The following CDH12 variants were observed in gnomAD, a reference collection of about 807,000 sequenced individuals.
CDH12 encodes cadherin-12.
In CDH12, 41 loss-of-function variants were observed where a neutral mutation model predicts 74.1. The ratio of observed to expected loss-of-function variants is 0.55; its 90% CI spans 0.43 to 0.72. The LOEUF (loss-of-function observed/expected upper bound fraction) is 0.72, where lower values mean the gene tolerates loss of function less well. Ranked by LOEUF, CDH12 falls within the 30% of genes least tolerant of loss-of-function variation. The pLI is 0.00. For missense variants in CDH12, 945 were observed against 977.2 expected (o/e 0.97, Z 0.44); for synonymous variants, 399 against 355.0 (o/e 1.12, Z -1.39).
At chr5:22,548,085 A>G (rs1307072733) in intron 1 of CDH12, among the ~76,000 whole-genome samples, 5 of 152,208 alleles carry the variant, frequency 3.3e-5, no homozygotes, top group African/African-American at 1.2e-4. Flanking sequence ...TTCTGCATCT[A>G]TAACACACTA....
At chr5:22,297,723 G>C (rs895700161) in intron 3 of CDH12, among the ~76,000 whole-genome samples, 1 of 152,006 alleles carries the variant, frequency 6.6e-6, no homozygotes, top group African/African-American at 2.4e-5. Flanking sequence ...CTGAAGAAGG[G>C]GAAAGATTTT....
chr5:21,765,257 A>G (rs1744957493), intron 11 of CDH12, among the ~76,000 whole-genome samples, 158 bp from the exon 12 acceptor site: 1 of 152,180 alleles, frequency 6.6e-6, no homozygotes, highest in Admixed American at 6.5e-5. Context: ...ACAAGATGAT[A>G]AAGGATCCTT....
chr5:22,489,893 C>G (rs996974901), intron 2 of CDH12, among the ~76,000 whole-genome samples: 1 of 151,818 alleles, frequency 6.6e-6, no homozygotes, highest in Admixed American at 6.6e-5. Flanking sequence ...GTTGCCCAGG[C>G]TGGTCTTGAA....
chr5:22,744,986 A>G (rs990839013), intron 1 of CDH12, among the ~76,000 whole-genome samples: 1 of 151,640 alleles, frequency 6.6e-6, no homozygotes, highest in Non-Finnish European at 1.5e-5. Flanking sequence ...CATATAATTA[A>G]CACTCAATAA....
At chr5:21,852,316 T>A (rs1031195714) in intron 7 of CDH12, among the ~76,000 whole-genome samples, 1 of 151,308 alleles carries the variant, frequency 6.6e-6, no homozygotes, top group Admixed American at 6.6e-5. Context: ...ACGACAGAAT[T>A]GTTTCACTCT....
intron 3 of CDH12, among the ~76,000 whole-genome samples, chr5:22,314,032 A>G (rs1738503281): frequency 6.6e-6 from 1 of 152,220 alleles, no homozygotes; most frequent in African/African-American, 2.4e-5. Flanking sequence ...TGACGGCAGA[A>G]AGTGGAAAGT....
At chr5:21,817,978 G>T (rs1305789146) in intron 8 of CDH12, among the ~76,000 whole-genome samples, 1 of 151,808 alleles carries the variant, frequency 6.6e-6, no homozygotes, top group Non-Finnish European at 1.5e-5. Context: ...TTATTTTAAG[G>T]TTTTGTAGAA....
At chr5:22,058,863 T>C (rs182919607) in intron 5 of CDH12, among the ~76,000 whole-genome samples, 147 of 152,228 alleles carry the variant, frequency 9.7e-4, no homozygotes, top group Admixed American at 1.8e-3. Context: ...ATCTTTGATC[T>C]CACTTTTATT....
At chr5:21,757,786 T>A (rs767830308) in intron 13 of CDH12, among the ~76,000 whole-genome samples, 1 of 152,200 alleles carries the variant, frequency 6.6e-6, no homozygotes, top group Non-Finnish European at 1.5e-5. Context: ...GATGTGACTA[T>A]CTACCTAGTT....
chr5:22,421,809 G>A (rs1333949717), intron 2 of CDH12, among the ~76,000 whole-genome samples: 3 of 152,184 alleles, frequency 2.0e-5, no homozygotes, highest in Non-Finnish European at 2.9e-5. Context: ...CACCGACAGT[G>A]TAAAAGCATT....
chr5:22,026,606 GCTT>G (rs1738377305), intron 5 of CDH12, among the ~76,000 whole-genome samples: 1 of 152,048 alleles, frequency 6.6e-6, no homozygotes, highest in Non-Finnish European at 1.5e-5. Context: ...CTTTCATTAT[GCTT>G]CTAATGAGTT....
intron 11 of CDH12, 49 bp downstream of exon 11, chr5:21,783,309 A>G: frequency 6.5e-7 from 1 of 1,547,438 alleles, no homozygotes; most frequent in Non-Finnish European, 8.8e-7. Context: ...AAGAGTCTTA[A>G]ATCCAAAGAA....
chr5:22,483,751 T>TAC (rs1746474915), intron 2 of CDH12, among the ~76,000 whole-genome samples: 1 of 80,332 alleles, frequency 1.2e-5, no homozygotes, highest in Non-Finnish European at 2.5e-5. Flanking sequence ...TTCAAAACTA[T>TAC]ATATATATAT....
intron 6 of CDH12, among the ~76,000 whole-genome samples, chr5:21,921,512 G>A (rs1754352056): frequency 6.6e-6 from 1 of 151,976 alleles, no homozygotes; most frequent in Admixed American, 6.6e-5. Flanking sequence ...AAACTATATA[G>A]GGCTTGAGTC....
At chr5:22,095,123 G>A in intron 4 of CDH12, among the ~76,000 whole-genome samples, 1 of 152,110 alleles carries the variant, frequency 6.6e-6, no homozygotes, top group East Asian at 1.9e-4. Context: ...CTGTCCTCCT[G>A]CTCTTTGCTC....
intron 1 of CDH12, among the ~76,000 whole-genome samples, chr5:22,834,224 A>G (rs1031548457): frequency 1.1e-4 from 16 of 152,162 alleles, no homozygotes; most frequent in African/African-American, 3.6e-4. Context: ...ACAGGGTCAA[A>G]TGGCCTTTTT....
intron 4 of CDH12, among the ~76,000 whole-genome samples, chr5:22,154,405 T>TACAC (rs139877832): frequency 1.4e-5 from 2 of 141,722 alleles, no homozygotes; most frequent in Admixed American, 7.2e-5. Flanking sequence ...AACCCCAGTT[T>TACAC]ACACACACAC....
At chr5:22,305,762 C>T (rs1468673184) in intron 3 of CDH12, among the ~76,000 whole-genome samples, 1 of 152,184 alleles carries the variant, frequency 6.6e-6, no homozygotes, top group African/African-American at 2.4e-5. Flanking sequence ...CTCCCATATT[C>T]AAGCATTCAC....
intron 4 of CDH12, among the ~76,000 whole-genome samples, chr5:22,183,928 CTAGAG>C (rs1187525656): frequency 6.6e-6 from 1 of 151,916 alleles, no homozygotes; most frequent in Non-Finnish European, 1.5e-5. Context: ...ACAAAAATAA[CTAGAG>C]TAGAGTCATT....
Sources: allele counts gnomAD v4.1 joint callset (sites outside exome capture counted in the v4.1 genomes callset), GRCh38; gene constraint gnomAD v4.1.1; transcripts MANE v1.5; gene names NCBI Gene and HGNC (gene_info 2026-07-23, HGNC 2026-07-21).